Variants in PPP2R2C observed in about 807,000 individuals in gnomAD.
PPP2R2C encodes the protein protein phosphatase 2 regulatory subunit Bgamma, also known as protein phosphatase 2, regulatory subunit B, gamma.
In PPP2R2C, 10 loss-of-function variants were observed where a neutral mutation model predicts 45.3. That is an observed-to-expected ratio of 0.22 (90% CI 0.14 to 0.37). The LOEUF (loss-of-function observed/expected upper bound fraction) is 0.37. PPP2R2C is among the 10% of genes least tolerant of loss of function. The pLI, the probability that PPP2R2C is intolerant of heterozygous loss-of-function variation, is 1.00. For missense variants in PPP2R2C, 308 were observed against 619.7 expected (o/e 0.50, Z 5.34); for synonymous variants, 257 against 245.4 (o/e 1.05, Z -0.44).
chr4:6,336,722 TCCCTCCTTCCC>T lies in PPP2R2C; in HGVS notation c.791-3002_791-2992del, dbSNP rs1732925759. 1.2e-4 allele frequency among the ~76,000 whole-genome samples: 4 copies of T among 33,304 alleles called. 1 individual carries two copies. Among genetic ancestry groups the T allele is most frequent in the African/African-American group, 6.7e-4 (3 of 4,478 alleles). The allele number at this position is 33,304 out of a possible 152,430, so 21.8% of individuals were successfully genotyped here. A position where few individuals can be genotyped will look rare whatever the true frequency, so the allele number is the denominator to read the frequency against. ...ATCCCTCCCTCCCTCCCTCCCTCCC[TCCCTCCTTCCC>T]TCCCTCCCTCCCTCCCTCCCTCCTT... On this transcript the variant is annotated intron_variant, in intron 6 of 8. Transcript: ENST00000382599.
intron 4 of PPP2R2C, among the ~76,000 whole-genome samples, 179 bp downstream of exon 4, chr4:6,375,640 A>T (rs538178827): frequency 6.6e-6 from 1 of 152,220 alleles, no homozygotes; most frequent in African/African-American, 2.4e-5. Flanking sequence ...GGTCATCTGT[A>T]TGCTGCTGGT....
chr4:6,475,059 A>G (rs889164197), upstream of PPP2R2C, among the ~76,000 whole-genome samples: 3 of 152,246 alleles, frequency 2.0e-5, no homozygotes, highest in African/African-American at 7.2e-5. Flanking sequence ...TGTGGAAGAC[A>G]GAATAGAGAA....
chr4:6,397,014 A>T (rs914730769), intron 1 of PPP2R2C, among the ~76,000 whole-genome samples: 12 of 152,106 alleles, frequency 7.9e-5, no homozygotes, highest in African/African-American at 2.9e-4. Flanking sequence ...GTAACTATTG[A>T]CTCCCGCGCA....
intron 1 of PPP2R2C, among the ~76,000 whole-genome samples, chr4:6,461,726 TAACA>T (rs1721330107): frequency 1.3e-5 from 2 of 152,262 alleles, no homozygotes; most frequent in South Asian, 4.2e-4. Flanking sequence ...TTAATCAGAG[TAACA>T]AACTGTCTTC....
At chr4:6,389,850 G>A (rs546992104) in intron 1 of PPP2R2C, among the ~76,000 whole-genome samples, 5 of 152,306 alleles carry the variant, frequency 3.3e-5, no homozygotes, top group African/African-American at 1.2e-4. Flanking sequence ...AGCTAGTAAG[G>A]GCAGGGGAGA....
chr4:6,342,023 C>T (rs1733481911), intron 6 of PPP2R2C, among the ~76,000 whole-genome samples: 1 of 151,314 alleles, frequency 6.6e-6, no homozygotes, highest in South Asian at 2.1e-4. Context: ...CCTGCAGGTC[C>T]CCTGATGTGC....
At chr4:6,431,715 T>C (rs925438200) in intron 1 of PPP2R2C, among the ~76,000 whole-genome samples, 1 of 152,168 alleles carries the variant, frequency 6.6e-6, no homozygotes, top group African/African-American at 2.4e-5. Context: ...CTGGGGAGCC[T>C]GGACAAGAGA....
At chr4:6,533,551 G>A (rs1724478082) in intron 2 of PPP2R2C, among the ~76,000 whole-genome samples, 1 of 152,320 alleles carries the variant, frequency 6.6e-6, no homozygotes, top group East Asian at 1.9e-4. Flanking sequence ...CTGGGCCTAA[G>A]GAAACATACT....
intron 1 of PPP2R2C, among the ~76,000 whole-genome samples, chr4:6,436,366 G>T (rs547953118): frequency 2.0e-5 from 3 of 152,208 alleles, no homozygotes; most frequent in South Asian, 2.1e-4. Context: ...TGCTCTGTCT[G>T]AGCTTTACAG....
chr4:6,395,177 A>G (rs1179951110), intron 1 of PPP2R2C, among the ~76,000 whole-genome samples: 2 of 152,070 alleles, frequency 1.3e-5, no homozygotes, highest in East Asian at 3.9e-4. Flanking sequence ...ATGGCTCCCC[A>G]CTGCCCTTTG....
intron 1 of PPP2R2C, among the ~76,000 whole-genome samples, chr4:6,407,739 A>G (rs924768156): frequency 6.6e-6 from 1 of 152,200 alleles, no homozygotes; most frequent in Non-Finnish European, 1.5e-5. Flanking sequence ...CCTTAGACAA[A>G]TGGACTGGGA....
chr4:6,395,048 G>T (rs532737601), intron 1 of PPP2R2C, among the ~76,000 whole-genome samples: 2 of 152,032 alleles, frequency 1.3e-5, no homozygotes, highest in Non-Finnish European at 2.9e-5. Flanking sequence ...TCTCACCCGC[G>T]AGCCTGCAGC....
intron 1 of PPP2R2C, among the ~76,000 whole-genome samples, chr4:6,416,130 A>G (rs1469395635): frequency 9.2e-5 from 14 of 152,242 alleles, no homozygotes. Context: ...TTTTCCAAAA[A>G]CAACCTACTC....
chr4:6,400,308 C>T (rs917762886), intron 1 of PPP2R2C, among the ~76,000 whole-genome samples: 16 of 152,108 alleles, frequency 1.1e-4, no homozygotes, highest in East Asian at 1.9e-4. Context: ...TTGATACACA[C>T]GCCACTCTTC....
intron 5 of PPP2R2C, among the ~76,000 whole-genome samples, chr4:6,352,345 G>C (rs1712644788): frequency 6.6e-6 from 1 of 152,060 alleles, no homozygotes; most frequent in Non-Finnish European, 1.5e-5. Context: ...TCCTTTCCAG[G>C]ACTAACCGCA....
intron 1 of PPP2R2C, among the ~76,000 whole-genome samples, chr4:6,410,666 T>C (rs1164679894): frequency 6.6e-6 from 1 of 152,002 alleles, no homozygotes; most frequent in African/African-American, 2.4e-5. Context: ...TGCATACACC[T>C]GCCTAATATC....
At chr4:6,385,255 C>T (rs527283561) in intron 1 of PPP2R2C, among the ~76,000 whole-genome samples, 2 of 152,318 alleles carry the variant, frequency 1.3e-5, no homozygotes, top group East Asian at 3.9e-4. Flanking sequence ...CTCAGATCCC[C>T]TCTTGCCTGA....
At chr4:6,337,566 G>T (rs1412399288) in intron 6 of PPP2R2C, among the ~76,000 whole-genome samples, 1 of 152,080 alleles carries the variant, frequency 6.6e-6, no homozygotes, top group Admixed American at 6.5e-5. Flanking sequence ...GCCTGCTCAG[G>T]GGTCTCTCAG....
At chr4:6,326,143 T>C (rs1231965905) in intron 8 of PPP2R2C, among the ~76,000 whole-genome samples, 1 of 152,174 alleles carries the variant, frequency 6.6e-6, no homozygotes, top group Non-Finnish European at 1.5e-5. Context: ...ATCAGATCCT[T>C]CCATGAGAGT....
Sources: allele counts gnomAD v4.1 joint callset (sites outside exome capture counted in the v4.1 genomes callset), GRCh38; gene constraint gnomAD v4.1.1; transcripts MANE v1.5; gene names NCBI Gene and HGNC (gene_info 2026-07-23, HGNC 2026-07-21).